Variants in VSTM5 observed in about 807,000 individuals in gnomAD.
The protein encoded by VSTM5 is V-set and transmembrane domain-containing protein 5.
A neutral mutation model predicts 20.3 loss-of-function variants in VSTM5; 21 were observed. The observed-to-expected ratio is 1.03, with a 90% CI of 0.73 to 1.49. The LOEUF is 1.49. VSTM5 is among the 40% of genes most tolerant of loss of function. VSTM5 has a pLI of 0.00. For missense variants in VSTM5, 219 were observed against 250.0 expected, an observed-to-expected ratio of 0.88 and a Z score of 0.84; for synonymous variants, 100 against 102.5, an observed-to-expected ratio of 0.98 and a Z score of 0.14.
rs1025107675 is a variant in VSTM5, at chr11:93,818,816, G to A, written c.*1753C>T. The stretch of plus-strand genomic sequence containing the variant: ...CTCACCTCGTTTCTTCACAGCACTG[G>A]AAACTGTCCTGGCCCAGAGCCTGGT... On this transcript the variant is annotated 3_prime_UTR_variant, in exon 4 of 4. Coordinates refer to ENST00000409977, the MANE Select transcript of VSTM5 (RefSeq NM_001144871.2). 6.6e-6 allele frequency: 1 copy of A among 152,302 alleles called. No individual in the cohort carries two copies. The highest frequency in any genetic ancestry group is 1.5e-5 in the Non-Finnish European group (1 of 68,152). The allele number at this position is 152,302 out of a possible 1,614,324, so 9.4% of individuals were successfully genotyped here. A position where few individuals can be genotyped will look rare whatever the true frequency, so the allele number is the denominator to read the frequency against.
chr11:93,831,291 A>G (rs1169541735), intron 1 of VSTM5, among the ~76,000 whole-genome samples: 2 of 152,118 alleles, frequency 1.3e-5, no homozygotes, highest in Non-Finnish European at 2.9e-5. Flanking sequence ...AACCTCCCCA[A>G]GTGCTAGGAT....
rs1944148978 is a variant in VSTM5, at chr11:93,818,513, T to TAAAC, written c.*2052_*2055dup. On this transcript the variant is annotated 3_prime_UTR_variant, in exon 4 of 4. Transcript: ENST00000409977. Reference sequence around the variant, plus strand: ...TAACTTCCCACACTACTGATGTGAATAAACTGTCATGAGATTTGGGCGGGG... The same window carrying TAAAC: ...TAACTTCCCACACTACTGATGTGAATAAACAAACTGTCATGAGATTTGGGCGGGG... 8.8e-6 allele frequency: 1 copy of TAAAC among 113,530 alleles called. No individual in the cohort carries two copies. The highest frequency in any genetic ancestry group is 1.7e-5 in the Non-Finnish European group (1 of 57,296). The allele number at this position is 113,530 out of a possible 1,614,324, so 7.0% of individuals were successfully genotyped here. A position where few individuals can be genotyped will look rare whatever the true frequency, so the allele number is the denominator to read the frequency against.
intron 1 of VSTM5, among the ~76,000 whole-genome samples, chr11:93,844,871 G>A (rs78147257): frequency 0.073 from 5,048 of 69,034 alleles, 1,319 homozygotes; most frequent in African/African-American, 0.23. Context: ...GCTGTTCCAG[G>A]CACAGTGCGT....
chr11:93,847,219 G>T (rs777391651), intron 1 of VSTM5, among the ~76,000 whole-genome samples: 1 of 152,130 alleles, frequency 6.6e-6, no homozygotes, highest in African/African-American at 2.4e-5. Flanking sequence ...ATCAGTGCAC[G>T]GCCCACGGCA....
rs966368644 is a variant in VSTM5, at chr11:93,819,085, G to C, written c.*1484C>G. On this transcript the variant is annotated 3_prime_UTR_variant, in exon 4 of 4. Transcript: ENST00000409977. ...ACTCTGGATTCAATATTGAGGGAAAGGGCTGTAACTTATCCAAGCAACTCC... is the reference window on the plus strand; with the variant it reads ...ACTCTGGATTCAATATTGAGGGAAACGGCTGTAACTTATCCAAGCAACTCC... 6.6e-6 allele frequency: 1 copy of C among 152,178 alleles called. No homozygotes were observed. 9.4% of individuals were successfully genotyped at this position (152,178 alleles called of 1,614,324 possible).
At chr11:93,846,779 T>TG (rs199994628) in intron 1 of VSTM5, among the ~76,000 whole-genome samples, 53,425 of 140,656 alleles carry the variant, frequency 0.38, 9,815 homozygotes, top group East Asian at 0.62. Flanking sequence ...TTTTTTTTTT[T>TG]TTTTTTGAGA....
In VSTM5 at chr11:93,820,275, G is replaced by A. The variant is rs368837651; in HGVS notation, c.*294C>T. The A allele has an allele frequency of 9.3e-6, 4 of 428,412 alleles. No individual in the cohort carries two copies. Among genetic ancestry groups the A allele is most frequent in the Admixed American group, 4.0e-5 (1 of 25,160 alleles). 26.5% of individuals were successfully genotyped at this position (428,412 alleles called of 1,614,324 possible). ...CAAGTGTCGTGAGCAAGCAGCCAAC[G>A]CCTGCACTCACCCATTGGTTATGTG... is the stretch of plus-strand genomic sequence containing the variant. On this transcript the variant is annotated 3_prime_UTR_variant, in exon 4 of 4. Coordinates refer to ENST00000409977, the MANE Select transcript of VSTM5 (RefSeq NM_001144871.2).
chr11:93,818,977 T>G lies in VSTM5; in HGVS notation c.*1592A>C, dbSNP rs1944156150. ...GTTGTGTAGACCAACTGCTGTCGCC[T>G]TTTGAATCAAGCAGTGCCTTGGGAG... is the stretch of plus-strand genomic sequence containing the variant. On this transcript the variant is annotated 3_prime_UTR_variant, in exon 4 of 4. Coordinates refer to ENST00000409977, the MANE Select transcript of VSTM5 (RefSeq NM_001144871.2). 1 of 152,174 alleles carries G rather than the reference T, an allele frequency of 6.6e-6. No individual in the cohort carries two copies. Among genetic ancestry groups the G allele is most frequent in the Admixed American group, 6.5e-5 (1 of 15,280 alleles). The allele number at this position is 152,174 out of a possible 1,614,324, so 9.4% of individuals were successfully genotyped here.
At chr11:93,831,285 TC>T (rs1449962540) in intron 1 of VSTM5, among the ~76,000 whole-genome samples, 2 of 151,994 alleles carry the variant, frequency 1.3e-5, no homozygotes, top group Non-Finnish European at 2.9e-5. Context: ...CACCTCAACC[TC>T]CCCAAGTGCT....
rs1944171039 is a variant in VSTM5 at position 93,820,482 on chromosome 11, A to C, written c.*87T>G. ...TAGGAGCGGGCTGCAACAGGACCAC[A>C]CACAATGGGTATAATAGCTGTGCTT... On this transcript the variant is annotated 3_prime_UTR_variant, in exon 4 of 4. Coordinates refer to ENST00000409977, the MANE Select transcript of VSTM5 (RefSeq NM_001144871.2). 6.9e-7 allele frequency: 1 copy of C among 1,450,110 alleles called. No homozygotes were observed. Among genetic ancestry groups the C allele is most frequent in the Non-Finnish European group, 9.4e-7 (1 of 1,060,360 alleles). 89.8% of individuals were successfully genotyped at this position (1,450,110 alleles called of 1,614,324 possible). A position where few individuals can be genotyped will look rare whatever the true frequency, so the allele number is the denominator to read the frequency against.
chr11:93,840,819 T>C (rs1944364622), intron 1 of VSTM5, among the ~76,000 whole-genome samples: 1 of 152,166 alleles, frequency 6.6e-6, no homozygotes, highest in African/African-American at 2.4e-5. Flanking sequence ...TTCTAACAAG[T>C]GCTTCTGAGG....
intron 1 of VSTM5, among the ~76,000 whole-genome samples, chr11:93,849,142 T>C (rs1364451261): frequency 6.7e-6 from 1 of 150,224 alleles, no homozygotes; most frequent in Non-Finnish European, 1.5e-5. Context: ...TCTCTCTCTC[T>C]TCTTTTCTTT....
At chr11:93,831,091 G>A (rs1199934913) in intron 1 of VSTM5, among the ~76,000 whole-genome samples, 1 of 151,734 alleles carries the variant, frequency 6.6e-6, no homozygotes, top group Admixed American at 6.6e-5. Flanking sequence ...ACACAGTCTT[G>A]CTCTGTTGCC....
intron 1 of VSTM5, among the ~76,000 whole-genome samples, chr11:93,844,125 C>T (rs1944393772): frequency 6.6e-6 from 1 of 152,184 alleles, no homozygotes; most frequent in Non-Finnish European, 1.5e-5. Flanking sequence ...TGTGATGTGA[C>T]TCATACAAGC....
intron 1 of VSTM5, among the ~76,000 whole-genome samples, chr11:93,846,197 T>C (rs1370575886): frequency 5.4e-4 from 1 of 1,844 alleles, no homozygotes. Context: ...ACTTTAGATA[T>C]AGTAAGTTTT....
chr11:93,836,437 G>T (rs1344707275), intron 1 of VSTM5, among the ~76,000 whole-genome samples: 1 of 152,198 alleles, frequency 6.6e-6, no homozygotes, highest in African/African-American at 2.4e-5. Flanking sequence ...TTAGGCCTCA[G>T]CATCCTCAGC....
chr11:93,830,515 C>T (rs911092078), intron 1 of VSTM5, among the ~76,000 whole-genome samples: 1 of 152,244 alleles, frequency 6.6e-6, no homozygotes, highest in African/African-American at 2.4e-5. Flanking sequence ...GTGCCCAAGA[C>T]AGGGCCTGAC....
chr11:93,840,462 G>A (rs1944361661), intron 1 of VSTM5, among the ~76,000 whole-genome samples: 1 of 152,220 alleles, frequency 6.6e-6, no homozygotes, highest in East Asian at 1.9e-4. Context: ...TTCCTTTACA[G>A]CAGGCACAAC....
rs1165253119 is a variant in VSTM5, at chr11:93,820,518, T to C, written c.*51A>G. 1 of 1,547,004 alleles carries C rather than the reference T, an allele frequency of 6.5e-7. No homozygotes were observed. The highest frequency in any genetic ancestry group is 2.4e-5 in the East Asian group (1 of 40,928). The stretch of plus-strand genomic sequence containing the variant: ...ATAATAGCTGTGCTTGCTCTTTTTG[T>C]TGGAGAATGGTTTCCTCTTGAGGTA... On this transcript the variant is annotated 3_prime_UTR_variant, in exon 4 of 4. Coordinates refer to ENST00000409977, the MANE Select transcript of VSTM5 (RefSeq NM_001144871.2).
Sources: gnomAD v4.1 joint callset for allele counts (sites outside exome capture counted in the v4.1 genomes callset) on GRCh38, gnomAD v4.1.1 for gene constraint, MANE v1.5 for transcripts, NCBI Gene and HGNC (gene_info 2026-07-23, HGNC 2026-07-21) for gene names.